TMEM200A: variants seen among roughly 807,000 people sequenced by gnomAD.
TMEM200A encodes two transmembrane C.
TMEM200A carries 12 observed loss-of-function variants against 24.3 expected under a neutral mutation model. That is an observed-to-expected ratio of 0.49 (90% CI 0.32 to 0.80). TMEM200A has a LOEUF of 0.80. TMEM200A is among the 30% of genes least tolerant of loss of function. TMEM200A has a pLI of 0.04. For missense variants in TMEM200A, 545 were observed against 614.4 expected (o/e 0.89, Z 1.19); for synonymous variants, 224 against 224.4 (o/e 1.00, Z 0.02).
chr6:130,378,080 A>G (rs776903429), intron 1 of TMEM200A, among the ~76,000 whole-genome samples: 3 of 152,162 alleles, frequency 2.0e-5, no homozygotes, highest in Non-Finnish European at 4.4e-5. Context: ...GAGTAGCATT[A>G]GCATAGAGGC....
chr6:130,370,694 G>A (rs554519883), intron 1 of TMEM200A, among the ~76,000 whole-genome samples: 2 of 152,162 alleles, frequency 1.3e-5, no homozygotes, highest in South Asian at 2.1e-4. Context: ...ATTAAAAGGA[G>A]GATTGTTTCC....
intron 1 of TMEM200A, among the ~76,000 whole-genome samples, chr6:130,370,285 C>CTGAT (rs1778289129): frequency 6.6e-6 from 1 of 152,120 alleles, no homozygotes; most frequent in South Asian, 2.1e-4. Context: ...TTGAAGGGCT[C>CTGAT]TGATTGGCCC....
intron 2 of TMEM200A, among the ~76,000 whole-genome samples, chr6:130,401,193 G>A (rs1779074122): frequency 6.6e-6 from 1 of 151,994 alleles, no homozygotes; most frequent in Admixed American, 6.6e-5. Flanking sequence ...ACTGTATTCA[G>A]GTGTCATGTT....
chr6:130,424,731 T>A (rs373770831), intron 2 of TMEM200A, among the ~76,000 whole-genome samples: 2 of 152,154 alleles, frequency 1.3e-5, no homozygotes, highest in African/African-American at 4.8e-5. Flanking sequence ...GGGGGAGCCA[T>A]GATGGTGACT....
Position 130,403,732 on chromosome 6 carries a change from G to A in TMEM200A, c.-17+18496G>A, listed in dbSNP as rs1207915727. ...GCAGGCTTATTACCTAGATAAACTTGTGTCATGCGGGTTTGTTGTACAGAT... is the reference window on the plus strand; with the variant it reads ...GCAGGCTTATTACCTAGATAAACTTATGTCATGCGGGTTTGTTGTACAGAT... On this transcript the variant is annotated intron_variant, in intron 2 of 2. Coordinates refer to ENST00000296978, the MANE Select transcript of TMEM200A (RefSeq NM_001258277.2). Among the ~76,000 whole-genome samples, 3 of 151,748 alleles carry A rather than the reference G, an allele frequency of 2.0e-5. No individual in the cohort carries two copies. The South Asian group carries it at 6.2e-4, about 31-fold the overall frequency.
intron 2 of TMEM200A, among the ~76,000 whole-genome samples, chr6:130,434,289 G>A (rs1482294805): frequency 6.6e-6 from 1 of 152,200 alleles, no homozygotes; most frequent in Non-Finnish European, 1.5e-5. Flanking sequence ...TGGACTGGGA[G>A]TCTGAAAACT....
intron 2 of TMEM200A, among the ~76,000 whole-genome samples, chr6:130,424,166 GTTAA>G (rs138016051): frequency 0.018 from 2,785 of 151,688 alleles, 23 homozygotes; most frequent in Non-Finnish European, 0.027. Context: ...TCCTTTTTCT[GTTAA>G]TTAATTTGTG....
intron 2 of TMEM200A, among the ~76,000 whole-genome samples, chr6:130,386,320 G>A (rs1234066545): frequency 6.6e-6 from 1 of 152,186 alleles, no homozygotes; most frequent in African/African-American, 2.4e-5. Context: ...GCTAAAAGGG[G>A]TAGCCACTGA....
rs80125628 is a variant in TMEM200A at position 130,368,252 on chromosome 6, C to A, written c.-81+1728C>A. Among the ~76,000 whole-genome samples the A allele has an allele frequency of 7.8e-3, 1,194 of 152,214 alleles. 19 individuals carry two copies. The highest frequency in any genetic ancestry group is 0.026 in the African/African-American group (1,089 of 41,528). On this transcript the variant is annotated intron_variant, in intron 1 of 2. Coordinates refer to ENST00000296978, the MANE Select transcript of TMEM200A (RefSeq NM_001258277.2). ...GACATATAGAGGGAACGGATCTGAA[C>A]TGATTGGTTAAATGCTGTACTTCTC... is the stretch of plus-strand genomic sequence containing the variant.
chr6:130,406,721 G>A (rs1422238300), intron 2 of TMEM200A, among the ~76,000 whole-genome samples: 1 of 152,164 alleles, frequency 6.6e-6, no homozygotes, highest in Admixed American at 6.5e-5. Context: ...CTTGTCAGAA[G>A]CAGTTCTTCT....
intron 2 of TMEM200A, among the ~76,000 whole-genome samples, chr6:130,424,283 G>A (rs79193287): frequency 0.018 from 2,786 of 152,096 alleles, 23 homozygotes; most frequent in Non-Finnish European, 0.027. Context: ...AATTACAGAC[G>A]TTTTCTGAGC....
chr6:130,381,620 A>G (rs909118322), intron 1 of TMEM200A, among the ~76,000 whole-genome samples: 1 of 152,238 alleles, frequency 6.6e-6, no homozygotes, highest in Admixed American at 6.5e-5. Flanking sequence ...TTCTGTGACA[A>G]CTGCAGAACA....
At position 130,366,225 on chromosome 6, in the gene TMEM200A, C is replaced by T. The variant is rs1456277550; in HGVS notation, c.-380C>T. 2.0e-6 allele frequency: 2 copies of T among 985,220 alleles called. No individual in the cohort carries two copies. Among genetic ancestry groups the T allele is most frequent in the Non-Finnish European group, 2.4e-6 (2 of 829,918 alleles). The allele number at this position is 985,220 out of a possible 1,614,324, so 61.0% of individuals were successfully genotyped here. ...ACCGGCAGCGGCGCATCCCCTGCCC[C>T]GAGGCCTCCGGTGCCCCCCCGGCGC... is the stretch of plus-strand genomic sequence containing the variant. On this transcript the variant is annotated 5_prime_UTR_variant, in exon 1 of 3. Transcript: ENST00000296978. This position sits in a 1 kb window ranked among gnomAD's most constrained non-coding sequence, Gnocchi z 4.4.
At position 130,385,243 on chromosome 6, in the gene TMEM200A, GACA is replaced by G. The variant is rs1238764555; in HGVS notation, c.-17+8_-17+10del. 1 of 152,202 alleles carries G rather than the reference GACA, an allele frequency of 6.6e-6. No homozygotes were observed. The highest frequency in any genetic ancestry group is 2.4e-5 in the African/African-American group (1 of 41,460). The allele number at this position is 152,202 out of a possible 1,614,324, so 9.4% of individuals were successfully genotyped here. The stretch of plus-strand genomic sequence containing the variant: ...GGGACATCTGGCTCTGGAGGTGAGC[GACA>G]GCAGGGAATGACGTCAGGGACCTGG... On this transcript the variant is annotated splice_region_variant and intron_variant, in intron 2 of 2. Transcript: ENST00000296978.
intron 1 of TMEM200A, among the ~76,000 whole-genome samples, chr6:130,373,775 A>C (rs146362098): frequency 1.3e-5 from 2 of 152,348 alleles, no homozygotes; most frequent in African/African-American, 4.8e-5. Context: ...AAGGGTATGA[A>C]AATTTCAGGC....
At chr6:130,419,961 A>C (rs76108525) in intron 2 of TMEM200A, among the ~76,000 whole-genome samples, 3,166 of 152,254 alleles carry the variant, frequency 0.021, 116 homozygotes, top group African/African-American at 0.072. Flanking sequence ...GGTGCTACAC[A>C]TGGTGGAAGG....
chr6:130,381,975 A>C, intron 1 of TMEM200A: 1 of 985,292 alleles, frequency 1.0e-6, no homozygotes, highest in South Asian at 4.7e-5. Context: ...GCCTTGCTGA[A>C]GTGGCTCTCC....
intron 2 of TMEM200A, among the ~76,000 whole-genome samples, chr6:130,389,981 G>C (rs7773360): frequency 0.059 from 8,966 of 152,170 alleles, 882 homozygotes; most frequent in African/African-American, 0.2. Context: ...ACTAATAAAA[G>C]TTATTTTGCT....
intron 2 of TMEM200A, among the ~76,000 whole-genome samples, chr6:130,406,475 T>C (rs1779212898): frequency 6.6e-6 from 1 of 152,200 alleles, no homozygotes; most frequent in Admixed American, 6.5e-5. Context: ...TAAATATAAA[T>C]GAAATCTAAA....
Sources: gnomAD v4.1 joint callset for allele counts (sites outside exome capture counted in the v4.1 genomes callset) on GRCh38, gnomAD v4.1.1 for gene constraint, Gnocchi (gnomAD v3.1) non-coding constraint, MANE v1.5 for transcripts, NCBI Gene and HGNC (gene_info 2026-07-23, HGNC 2026-07-21) for gene names.